RREB1: variants seen among roughly 807,000 people sequenced by gnomAD.
RREB1 encodes ras-responsive element-binding protein 1.
Under a neutral mutation model 117.8 loss-of-function variants are expected in RREB1, and 27 were observed. The observed-to-expected ratio is 0.23, with a 90% CI of 0.17 to 0.32. The LOEUF is 0.32. Ranked by LOEUF, RREB1 falls within the 10% of genes least tolerant of loss-of-function variation. The pLI is 1.00. For missense variants in RREB1, 2,577 were observed against 2,378.2 expected (o/e 1.08, Z -1.74); for synonymous variants, 1,298 against 1,026.7 (o/e 1.26, Z -5.05).
At chr6:7,157,578 C>T (rs1561750447) in intron 1 of RREB1, among the ~76,000 whole-genome samples, 1 of 151,878 alleles carries the variant, frequency 6.6e-6, no homozygotes. Flanking sequence ...CGAGACCAGC[C>T]TGGGCAACAT....
chr6:7,240,469 T>C lies in RREB1; in HGVS notation c.3840T>C (p.Asp1280=), dbSNP rs768264331. Residue 1280 remains aspartate (D), a synonymous_variant, in exon 11 of 13, where the codon GAT becomes GAC. Coordinates refer to ENST00000379938, the MANE Select transcript of RREB1 (RefSeq NM_001003699.4). The part of the protein sequence containing the change: ...GQKPFPCQKC[D]AFFSTKSNCE... ...AACCCTTCCCTTGTCAAAAATGCGA[T>C]GCCTTCTTTTCTACCAAATCTAACT... The C allele has an allele frequency of 1.9e-6, 3 of 1,613,816 alleles. No homozygotes were observed. Among genetic ancestry groups the C allele is most frequent in the East Asian group, 2.2e-5 (1 of 44,890 alleles).
At chr6:7,201,398 G>T (rs900676184) in intron 6 of RREB1, among the ~76,000 whole-genome samples, 3 of 152,034 alleles carry the variant, frequency 2.0e-5, no homozygotes, top group Non-Finnish European at 4.4e-5. Flanking sequence ...CGACCTGTTC[G>T]GGCTGAACAA....
Position 7,229,662 on chromosome 6 carries a change from C to T in RREB1, c.1563C>T (p.Thr521=), listed in dbSNP as rs1484905604. The change falls in exon 10 of 13, where the codon ACC becomes ACT. Residue 521 remains threonine, a synonymous_variant. Transcript: ENST00000379938. The surrounding 1 kb of genome is among the most constrained non-coding windows in gnomAD (Gnocchi z 4.5). ...TCACACCACGGACGGTGGTGGCCACCTCCACGCCCCCGCCTCTCATCAACG... is the reference window on the plus strand; with the variant it reads ...TCACACCACGGACGGTGGTGGCCACTTCCACGCCCCCGCCTCTCATCAACG... ...PLVTPRTVVA[T]STPPPLINAQ... 3 of 1,611,268 alleles carry T rather than the reference C, an allele frequency of 1.9e-6. No individual in the cohort carries two copies. Among genetic ancestry groups the T allele is most frequent in the South Asian group, 2.2e-5 (2 of 90,876 alleles).
intron 1 of RREB1, among the ~76,000 whole-genome samples, chr6:7,109,805 T>G (rs1561719234): frequency 6.6e-6 from 1 of 151,618 alleles, no homozygotes; most frequent in Admixed American, 6.6e-5. Context: ...TTTGGAGGGG[T>G]TTTCTTCGTT....
At chr6:7,194,601 A>G (rs1018073281) in intron 6 of RREB1, among the ~76,000 whole-genome samples, 1 of 152,138 alleles carries the variant, frequency 6.6e-6, no homozygotes, top group African/African-American at 2.4e-5. Context: ...GATTTTCCTT[A>G]TTTTGAGGCA....
chr6:7,195,194 A>AT (rs143904947), intron 6 of RREB1, among the ~76,000 whole-genome samples: 5,101 of 152,290 alleles, frequency 0.033, 140 homozygotes, highest in Non-Finnish European at 0.05. Flanking sequence ...TTAATCTGTA[A>AT]TTTAAGTAAT....
At chr6:7,203,600 TGA>T (rs1239192235) in intron 6 of RREB1, among the ~76,000 whole-genome samples, 1 of 152,082 alleles carries the variant, frequency 6.6e-6, no homozygotes, top group Non-Finnish European at 1.5e-5. Flanking sequence ...CCGTGGAGAT[TGA>T]GAGTCCACCA....
chr6:7,229,363 G>C lies in RREB1; in HGVS notation c.1264G>C (p.Gly422Arg), dbSNP rs766241536. The C allele has an allele frequency of 6.2e-7, 1 of 1,614,118 alleles. No individual in the cohort carries two copies. Among genetic ancestry groups the C allele is most frequent in the Non-Finnish European group, 8.5e-7 (1 of 1,179,972 alleles). ...LSPFEAASLG[G>R]SLTVLPATKD... ...ACCTTTCGAAGCTGCTTCCCTAGGC[G>C]GTTCTCTCACAGTTCTCCCCGCGAC... The change falls in exon 10 of 13, where the codon GGT becomes CGT. Residue 422 changes from glycine (G) to arginine (R), a missense_variant. By Grantham distance (125) the Gly-to-Arg change is moderately radical. Transcript: ENST00000379938. This position sits in a 1 kb window ranked among gnomAD's most constrained non-coding sequence, Gnocchi z 4.5.
At chr6:7,147,163 C>T (rs1050476132) in intron 1 of RREB1, among the ~76,000 whole-genome samples, 2 of 152,190 alleles carry the variant, frequency 1.3e-5, no homozygotes, top group African/African-American at 4.8e-5. Flanking sequence ...GCCTGCTTCA[C>T]CTTCAGACTG....
At chr6:7,129,018 G>T (rs1428564924) in intron 1 of RREB1, among the ~76,000 whole-genome samples, 1 of 152,154 alleles carries the variant, frequency 6.6e-6, no homozygotes, top group East Asian at 1.9e-4. Context: ...AATACCTCCA[G>T]CTTCATCTGA....
chr6:7,218,065 A>G (rs955778918), intron 8 of RREB1: 15 of 152,212 alleles, frequency 9.9e-5, no homozygotes, highest in Non-Finnish European at 2.2e-4. Flanking sequence ...ACGTGAAGGA[A>G]CTCGACACCT....
intron 1 of RREB1, among the ~76,000 whole-genome samples, 178 bp downstream of exon 1, chr6:7,108,238 C>T (rs1328107146): frequency 6.6e-6 from 1 of 152,092 alleles, no homozygotes; most frequent in African/African-American, 2.4e-5. Context: ...CCCCACTCCG[C>T]GCAGCGTGCG....
intron 10 of RREB1, among the ~76,000 whole-genome samples, chr6:7,239,774 G>A (rs939041254): frequency 1.3e-5 from 2 of 152,254 alleles, no homozygotes; most frequent in African/African-American, 4.8e-5. Flanking sequence ...CCTTTAATGA[G>A]AAGATCTCCT....
intron 1 of RREB1, among the ~76,000 whole-genome samples, chr6:7,155,370 G>A (rs553691113): frequency 2.6e-5 from 4 of 152,216 alleles, no homozygotes; most frequent in South Asian, 2.1e-4. Context: ...GCAGTGGCAC[G>A]ATCTTGGCTC....
At chr6:7,164,816 C>T (rs1249657344) in intron 1 of RREB1, among the ~76,000 whole-genome samples, 1 of 152,204 alleles carries the variant, frequency 6.6e-6, no homozygotes, top group African/African-American at 2.4e-5. Flanking sequence ...GCTCCAAAGG[C>T]GAGGGGTCCA....
At chr6:7,181,557 T>C (rs1581500979) in intron 3 of RREB1, 2 of 532,044 alleles carry the variant, frequency 3.8e-6, no homozygotes, top group South Asian at 5.8e-5. Context: ...GCTTTGTCAT[T>C]GTTGGCTTGG....
At position 7,231,170 on chromosome 6, in the gene RREB1, T is replaced by TCAGCAGCCCTCCACTCGTGGG. The variant is rs746617621; in HGVS notation, c.3076_3096dup (p.Pro1027_Ser1033dup). On this transcript the variant is annotated inframe_insertion, in exon 10 of 13. Transcript: ENST00000379938. ...GTCCCAATCTACTCCTCAGCCCTGG[T>TCAGCAGCCCTCCACTCGTGGG]CAGCAGCCCTCCACTCGTGGGCAGC... The TCAGCAGCCCTCCACTCGTGGG allele has an allele frequency of 2.3e-5, 37 of 1,611,578 alleles. No individual in the cohort carries two copies. The highest frequency in any genetic ancestry group is 2.7e-5 in the Non-Finnish European group (32 of 1,179,350).
chr6:7,226,393 T>G, intron 8 of RREB1, 74 bp from the exon 9 acceptor site: 1 of 1,105,698 alleles, frequency 9.0e-7, no homozygotes. Flanking sequence ...TCTGGAAGAG[T>G]GGAAACTCTG....
At chr6:7,137,682 T>G (rs1387589819) in intron 1 of RREB1, among the ~76,000 whole-genome samples, 1 of 152,018 alleles carries the variant, frequency 6.6e-6, no homozygotes, top group African/African-American at 2.4e-5. Context: ...CAGCGTTAAT[T>G]TAAGGCAGGG....
Sources: allele counts gnomAD v4.1 joint callset (sites outside exome capture counted in the v4.1 genomes callset), GRCh38; gene constraint gnomAD v4.1.1; non-coding constraint Gnocchi (gnomAD v3.1); transcripts MANE v1.5; gene names NCBI Gene and HGNC (gene_info 2026-07-23, HGNC 2026-07-21).